Variants in MLIP observed in about 807,000 individuals in gnomAD.
MLIP encodes the protein muscular LMNA-interacting protein.
A neutral mutation model predicts 84.8 loss-of-function variants in MLIP; 79 were observed. The observed-to-expected ratio is 0.93, with a 90% CI of 0.78 to 1.12. MLIP has a LOEUF of 1.12. MLIP is among the 50% of genes most tolerant of loss of function. The pLI, the probability that MLIP is intolerant of heterozygous loss-of-function variation, is 0.00. For synonymous variants in MLIP, 504 were observed against 463.0 expected (o/e 1.09, Z -1.14); for missense variants, 1,257 against 1,160.6 (o/e 1.08, Z -1.21).
At chr6:54,048,558 C>T (rs1196658983) in intron 1 of MLIP, among the ~76,000 whole-genome samples, 2 of 152,068 alleles carry the variant, frequency 1.3e-5, no homozygotes, top group African/African-American at 4.8e-5. Context: ...CTACTCTATT[C>T]GAAAGATGTT....
intron 1 of MLIP, among the ~76,000 whole-genome samples, chr6:54,094,280 A>G (rs932320987): frequency 3.2e-5 from 2 of 62,696 alleles, no homozygotes; most frequent in Non-Finnish European, 1.0e-4. Flanking sequence ...TTGCTGTAAG[A>G]TAAAAAAAAA....
chr6:54,261,935 C>T (rs1250832635), intron 13 of MLIP, among the ~76,000 whole-genome samples: 1 of 151,990 alleles, frequency 6.6e-6, no homozygotes, highest in Non-Finnish European at 1.5e-5. Context: ...ATATTATTAC[C>T]TGTTGATTAA....
chr6:54,047,617 CA>C lies in MLIP; in HGVS notation c.63+28527del, dbSNP rs756479393. 8 of 152,260 alleles carry C rather than the reference CA, an allele frequency of 5.3e-5. No homozygotes were observed. In the East Asian group the frequency reaches 1.5e-3, roughly 29 times the overall value. The allele number at this position is 152,260 out of a possible 1,614,324, so 9.4% of individuals were successfully genotyped here. A position where few individuals can be genotyped will look rare whatever the true frequency, so the allele number is the denominator to read the frequency against. Reference sequence around the variant, plus strand: ...CCCAGGAAGAATGGAACTTTGGGGACAGAAGAGGATTGAGACCTGCTGACCT... The same window carrying C: ...CCCAGGAAGAATGGAACTTTGGGGACGAAGAGGATTGAGACCTGCTGACCT... On this transcript the variant is annotated intron_variant, in intron 1 of 12. Coordinates refer to the MLIP transcript ENST00000274897.
intron 9 of MLIP, among the ~76,000 whole-genome samples, chr6:54,187,819 A>G (rs1450714692): frequency 6.6e-6 from 1 of 152,128 alleles, no homozygotes; most frequent in Admixed American, 6.6e-5. Flanking sequence ...CCTGGCCAAC[A>G]TGGTGAAACC....
chr6:54,250,469 T>C (rs1782395610), intron 12 of MLIP, among the ~76,000 whole-genome samples: 1 of 152,036 alleles, frequency 6.6e-6, no homozygotes, highest in Non-Finnish European at 1.5e-5. Flanking sequence ...CAAATGCCCA[T>C]CAATGATAGA....
intron 1 of MLIP, among the ~76,000 whole-genome samples, chr6:54,117,666 G>A (rs1770062221): frequency 1.3e-5 from 2 of 151,726 alleles, no homozygotes; most frequent in South Asian, 2.1e-4. Context: ...AAATTTTAGG[G>A]CCGGGTGTGG....
At chr6:54,124,368 A>G in intron 2 of MLIP, 105 bp from the exon 3 acceptor site, 3 of 1,043,476 alleles carry the variant, frequency 2.9e-6, no homozygotes, top group Non-Finnish European at 2.7e-6. Context: ...CTAATTTAAT[A>G]TATTTTTGAA....
intron 11 of MLIP, among the ~76,000 whole-genome samples, chr6:54,219,300 T>A (rs1274969242): frequency 1.3e-5 from 2 of 151,080 alleles, no homozygotes; most frequent in African/African-American, 2.4e-5. Flanking sequence ...TTTATATCTT[T>A]AATCTATAAG....
At chr6:54,196,779 A>G (rs1351312702) in intron 10 of MLIP, among the ~76,000 whole-genome samples, 1 of 152,138 alleles carries the variant, frequency 6.6e-6, no homozygotes, top group Non-Finnish European at 1.5e-5. Context: ...TAAACCGAAG[A>G]TCTCTGGTTT....
intron 12 of MLIP, among the ~76,000 whole-genome samples, chr6:54,235,541 G>A (rs1781305985): frequency 1.3e-5 from 2 of 152,070 alleles, no homozygotes; most frequent in South Asian, 2.1e-4. Context: ...TTTATCTAGG[G>A]TGTGACATAA....
At chr6:54,238,902 G>T (rs923631295) in intron 12 of MLIP, among the ~76,000 whole-genome samples, 1 of 151,926 alleles carries the variant, frequency 6.6e-6, no homozygotes, top group Non-Finnish European at 1.5e-5. Context: ...CATGATCTTT[G>T]TGTGTTGTTT....
chr6:54,106,890 G>C (rs1293402385), upstream of MLIP, among the ~76,000 whole-genome samples: 7 of 152,136 alleles, frequency 4.6e-5, no homozygotes, highest in Non-Finnish European at 1.0e-4. Flanking sequence ...TAAGTAACTG[G>C]ATGTGATCAC....
intron 1 of MLIP, among the ~76,000 whole-genome samples, chr6:54,111,972 C>A (rs559522383): frequency 6.6e-6 from 1 of 152,152 alleles, no homozygotes; most frequent in African/African-American, 2.4e-5. Flanking sequence ...AACAGTTTCT[C>A]AAATTATTAG....
intron 1 of MLIP, chr6:54,041,197 G>A (rs1367536161): frequency 6.6e-6 from 1 of 152,066 alleles, no homozygotes. Flanking sequence ...CCAACACTAT[G>A]GTTATATCTT....
intron 1 of MLIP, among the ~76,000 whole-genome samples, chr6:54,037,175 C>T (rs1012329740): frequency 5.3e-5 from 8 of 151,948 alleles, no homozygotes; most frequent in African/African-American, 1.9e-4. Flanking sequence ...GTGGATACTT[C>T]TATGTAAACT....
intron 1 of MLIP, among the ~76,000 whole-genome samples, chr6:54,031,979 T>C (rs1364339945): frequency 5.9e-5 from 9 of 152,102 alleles, no homozygotes; most frequent in Admixed American, 5.9e-4. Context: ...ATCACCAGAG[T>C]GTGACAGGAG....
rs56801855 is a variant in MLIP, at chr6:54,089,321, T to C, written c.64-32126T>C. 7.2e-3 allele frequency among the ~76,000 whole-genome samples: 1,095 copies of C among 152,268 alleles called. 15 individuals are homozygous for C. The highest frequency in any genetic ancestry group is 0.024 in the African/African-American group (1,007 of 41,558). Reference sequence around the variant, plus strand: ...TCAGGATATAAATTCCACCGGGAATTACCTTAAGCTAAGTTTGAATATTGG... The same window carrying C: ...TCAGGATATAAATTCCACCGGGAATCACCTTAAGCTAAGTTTGAATATTGG... On this transcript the variant is annotated intron_variant, in intron 1 of 12. Transcript: ENST00000274897.
At chr6:54,223,772 G>A (rs1780384149) in intron 11 of MLIP, among the ~76,000 whole-genome samples, 3 of 151,788 alleles carry the variant, frequency 2.0e-5, no homozygotes, top group Admixed American at 2.0e-4. Context: ...ATATTACTTT[G>A]TAATTATATT....
At chr6:54,124,402 A>G (rs926111930) in intron 2 of MLIP, 71 bp from the exon 3 acceptor site, 2 of 1,393,410 alleles carry the variant, frequency 1.4e-6, no homozygotes, top group Non-Finnish European at 9.7e-7. Flanking sequence ...TAAGCTTTTC[A>G]GTGTACATGC....
Sources: gnomAD v4.1 joint callset for allele counts (sites outside exome capture counted in the v4.1 genomes callset) on GRCh38, gnomAD v4.1.1 for gene constraint, MANE v1.5 for transcripts, NCBI Gene and HGNC (gene_info 2026-07-23, HGNC 2026-07-21) for gene names.